RBMS3: variants seen among roughly 807,000 people sequenced by gnomAD.
RBMS3 encodes the protein RNA binding motif single stranded interacting protein 3, also known as RNA-binding motif, single-stranded-interacting protein 3.
Under a neutral mutation model 66.8 loss-of-function variants are expected in RBMS3, and 27 were observed. The observed-to-expected ratio is 0.40, with a 90% CI of 0.30 to 0.56. The LOEUF (loss-of-function observed/expected upper bound fraction) is 0.56, where lower values mean the gene tolerates loss of function less well. Ranked by LOEUF, RBMS3 falls within the 20% of genes least tolerant of loss-of-function variation. The probability of loss-of-function intolerance (pLI) is 0.40; values close to 1 mark genes in which losing one functional copy is unlikely to be tolerated. For synonymous variants in RBMS3, 188 were observed against 183.0 expected, an observed-to-expected ratio of 1.03 and a Z score of -0.22; for missense variants, 513 against 549.5, an observed-to-expected ratio of 0.93 and a Z score of 0.66.
chr3:29,996,666 C>G (rs1352798264), intron 14 of RBMS3, among the ~76,000 whole-genome samples: 1 of 151,918 alleles, frequency 6.6e-6, no homozygotes, highest in Non-Finnish European at 1.5e-5. Flanking sequence ...TCCTGAATGA[C>G]TACTGGGTAC....
At chr3:29,894,451 A>G in intron 8 of RBMS3, among the ~76,000 whole-genome samples, 1 of 151,440 alleles carries the variant, frequency 6.6e-6, no homozygotes, top group African/African-American at 2.4e-5. Flanking sequence ...TCCTGGGGCT[A>G]CCATCTTGTT....
At position 29,884,143 on chromosome 3, in the gene RBMS3, C is replaced by G; in HGVS notation, c.745-19C>G. 6.2e-7 allele frequency: 1 copy of G among 1,607,608 alleles called. No individual in the cohort carries two copies. The highest frequency in any genetic ancestry group is 8.5e-7 in the Non-Finnish European group (1 of 1,175,834). On this transcript the variant is annotated intron_variant, in intron 7 of 14. Coordinates refer to ENST00000383767, the MANE Select transcript of RBMS3 (RefSeq NM_001003793.3). ...AAAACGTTAAGATTTGTTTTCTTCCCTCTTCATCCTATATACAGGCTGGCA... is the reference window on the plus strand; with the variant it reads ...AAAACGTTAAGATTTGTTTTCTTCCGTCTTCATCCTATATACAGGCTGGCA...
At chr3:29,547,895 C>T (rs1370791) in intron 3 of RBMS3, among the ~76,000 whole-genome samples, 82,960 of 148,794 alleles carry the variant, frequency 0.56, 24,165 homozygotes, top group African/African-American at 0.74. Context: ...CACACAACCT[C>T]CGTCTTCTCA....
In RBMS3 at chr3:29,880,621, G is replaced by A. The variant is rs114723964; in HGVS notation, c.745-3541G>A. Among the ~76,000 whole-genome samples, 29 of 152,268 alleles carry A rather than the reference G, an allele frequency of 1.9e-4. 1 individual carries two copies. Among genetic ancestry groups the A allele is most frequent in the Admixed American group, 1.0e-3 (16 of 15,306 alleles). On this transcript the variant is annotated intron_variant, in intron 7 of 14. Coordinates refer to ENST00000383767, the MANE Select transcript of RBMS3 (RefSeq NM_001003793.3). ...TCAACAATCTATTACACATGAAGTG[G>A]AAACCAGGTGTATCCAAGTGTTAGT...
At chr3:29,994,040 GT>G (rs1403837794) in intron 14 of RBMS3, among the ~76,000 whole-genome samples, 17 of 136,972 alleles carry the variant, frequency 1.2e-4, no homozygotes. Flanking sequence ...TCACTAGGGA[GT>G]GCCAGACTGG....
intron 3 of RBMS3, among the ~76,000 whole-genome samples, chr3:29,523,001 T>G (rs1053669323): frequency 4.6e-5 from 7 of 152,238 alleles, no homozygotes; most frequent in Non-Finnish European, 8.8e-5. Context: ...AGCACTGCTA[T>G]GAGTGTCATT....
chr3:29,950,263 G>C (rs896856214), intron 12 of RBMS3, among the ~76,000 whole-genome samples: 5 of 151,834 alleles, frequency 3.3e-5, no homozygotes, highest in African/African-American at 1.2e-4. Flanking sequence ...CTCTCAAAAT[G>C]CTTTCTGCAG....
chr3:30,003,636 A>AT (rs1559882457), intron 14 of RBMS3, among the ~76,000 whole-genome samples: 1 of 151,978 alleles, frequency 6.6e-6, no homozygotes, highest in Non-Finnish European at 1.5e-5. Flanking sequence ...ATTACCCTTG[A>AT]TTTTTAATGT....
rs563224610 is a variant in RBMS3, at chr3:29,348,189, G to A, written c.75+66433G>A. 5.3e-5 allele frequency among the ~76,000 whole-genome samples: 8 copies of A among 152,262 alleles called. No homozygotes were observed. The South Asian group carries it at 1.4e-3, about 28-fold the overall frequency. ...AGTGTAGGGTCTCTTTATCAATAAA[G>A]TTGGAAATTTATTTTTTTCCTCAGT... On this transcript the variant is annotated intron_variant, in intron 1 of 14. Transcript: ENST00000383767.
chr3:29,477,633 C>A (rs945989582), intron 2 of RBMS3, among the ~76,000 whole-genome samples: 3 of 151,712 alleles, frequency 2.0e-5, no homozygotes, highest in African/African-American at 7.3e-5. Flanking sequence ...TAAAGATATG[C>A]CCAAAATCCT....
intron 4 of RBMS3, among the ~76,000 whole-genome samples, chr3:29,672,125 C>T (rs986915221): frequency 2.0e-5 from 3 of 152,002 alleles, no homozygotes; most frequent in African/African-American, 4.8e-5. Flanking sequence ...GAGTGGGGGC[C>T]GATATTCAAC....
intron 4 of RBMS3, among the ~76,000 whole-genome samples, chr3:29,639,803 G>A (rs1559529141): frequency 6.6e-6 from 1 of 151,754 alleles, no homozygotes; most frequent in Non-Finnish European, 1.5e-5. Flanking sequence ...TTACTTCCCT[G>A]GTTTTTCTTG....
intron 1 of RBMS3, among the ~76,000 whole-genome samples, chr3:29,296,988 A>G (rs1381890363): frequency 2.0e-5 from 3 of 151,516 alleles, no homozygotes; most frequent in African/African-American, 7.3e-5. Context: ...TATACTTAAT[A>G]TACATTTAGT....
intron 6 of RBMS3, among the ~76,000 whole-genome samples, chr3:29,836,421 A>G (rs974315920): frequency 2.2e-4 from 33 of 152,054 alleles, no homozygotes; most frequent in Admixed American, 2.0e-4. Flanking sequence ...ACTATGATCA[A>G]GTGGTATGTA....
At chr3:29,606,944 T>A (rs2048336980) in intron 4 of RBMS3, among the ~76,000 whole-genome samples, 1 of 151,980 alleles carries the variant, frequency 6.6e-6, no homozygotes, top group African/African-American at 2.4e-5. Context: ...TAATATGCAA[T>A]ACAAACAACA....
intron 6 of RBMS3, among the ~76,000 whole-genome samples, chr3:29,781,431 A>G (rs1262644712): frequency 1.3e-5 from 2 of 152,032 alleles, no homozygotes; most frequent in Non-Finnish European, 1.5e-5. Flanking sequence ...TTTATACCGC[A>G]TTTTATTCTC....
intron 5 of RBMS3, among the ~76,000 whole-genome samples, chr3:29,761,785 C>T (rs911603991): frequency 6.6e-6 from 1 of 152,106 alleles, no homozygotes; most frequent in African/African-American, 2.4e-5. Flanking sequence ...TCCAAGAAAG[C>T]TCATATTAAT....
intron 1 of RBMS3, among the ~76,000 whole-genome samples, chr3:29,290,125 T>C (rs892105651): frequency 1.4e-4 from 22 of 151,922 alleles, no homozygotes; most frequent in Non-Finnish European, 1.0e-4. Context: ...TTGAGGCTAT[T>C]GTCGATGTCT....
At chr3:29,328,150 A>G (rs1374240602) in intron 1 of RBMS3, among the ~76,000 whole-genome samples, 2 of 152,194 alleles carry the variant, frequency 1.3e-5, no homozygotes, top group Non-Finnish European at 2.9e-5. Context: ...GTGCCTCTCC[A>G]TTTAAACAAC....
Sources: allele counts gnomAD v4.1 joint callset (sites outside exome capture counted in the v4.1 genomes callset), GRCh38; gene constraint gnomAD v4.1.1; transcripts MANE v1.5; gene names NCBI Gene and HGNC (gene_info 2026-07-23, HGNC 2026-07-21).